BCLAF1: variants seen among roughly 807,000 people sequenced by gnomAD.
BCLAF1 encodes BCL2 associated transcription factor 1.
A neutral mutation model predicts 99.5 loss-of-function variants in BCLAF1; 10 were observed. The observed-to-expected ratio is 0.10, with a 90% CI of 0.06 to 0.17. The LOEUF is 0.17. Ranked by LOEUF, BCLAF1 falls within the 10% of genes least tolerant of loss-of-function variation. The probability of loss-of-function intolerance (pLI) is 1.00; values close to 1 mark genes in which losing one functional copy is unlikely to be tolerated. For synonymous variants in BCLAF1, 255 were observed against 370.9 expected, an observed-to-expected ratio of 0.69 and a Z score of 3.59; for missense variants, 636 against 1,105.8, an observed-to-expected ratio of 0.58 and a Z score of 6.02.
At chr6:136,279,728 T>A in intron 3 of BCLAF1, 35 bp downstream of exon 3, 2 of 1,497,562 alleles carry the variant, frequency 1.3e-6, no homozygotes, top group South Asian at 1.4e-5. Context: ...TTAACTGATA[T>A]AATTATTTTA....
At chr6:136,285,609 T>C (rs576464477) in intron 1 of BCLAF1, among the ~76,000 whole-genome samples, 1 of 152,176 alleles carries the variant, frequency 6.6e-6, no homozygotes, top group Non-Finnish European at 1.5e-5. Context: ...AGATTCCCAC[T>C]TGTATACAGA....
intron 1 of BCLAF1, among the ~76,000 whole-genome samples, chr6:136,289,160 G>A (rs1374930583): frequency 2.0e-5 from 3 of 152,212 alleles, no homozygotes; most frequent in African/African-American, 4.8e-5. Flanking sequence ...GAAGCCGGAG[G>A]GCAGTTTTAA....
intron 11 of BCLAF1, among the ~76,000 whole-genome samples, chr6:136,264,777 G>A (rs1383268994): frequency 2.0e-5 from 3 of 152,142 alleles, no homozygotes; most frequent in African/African-American, 4.8e-5. Context: ...AGGAAAAAGT[G>A]TGTAATTTTG....
chr6:136,280,526 TTTCTGTTAAGAAGATTTAAAAAGA>T (rs1340718452), intron 2 of BCLAF1, among the ~76,000 whole-genome samples: 4 of 152,160 alleles, frequency 2.6e-5, no homozygotes, highest in African/African-American at 9.7e-5. Flanking sequence ...ACCCTGAAGC[TTTCTGTTAAGAAGATTTAAAAAGA>T]ATAAAAGATA....
chr6:136,280,954 G>T (rs1424706626), intron 2 of BCLAF1, among the ~76,000 whole-genome samples: 1 of 152,032 alleles, frequency 6.6e-6, no homozygotes, highest in Non-Finnish European at 1.5e-5. Flanking sequence ...TACTTAAATA[G>T]TATCTCCTAC....
In BCLAF1 at chr6:136,259,498, T is replaced by G. The variant is rs907127117; in HGVS notation, c.*1612A>C. ...AGGAGAATATTAGTTATGCCCTGAT[T>G]AATGCAATACATACTTCCTTTGGCA... On this transcript the variant is annotated 3_prime_UTR_variant, in exon 13 of 13. Coordinates refer to ENST00000531224, the MANE Select transcript of BCLAF1 (RefSeq NM_014739.3). 6.6e-6 allele frequency: 1 copy of G among 152,088 alleles called. No homozygotes were observed. The highest frequency in any genetic ancestry group is 2.4e-5 in the African/African-American group (1 of 41,466). The allele number at this position is 152,088 out of a possible 1,614,324, so 9.4% of individuals were successfully genotyped here. A position where few individuals can be genotyped will look rare whatever the true frequency, so the allele number is the denominator to read the frequency against.
chr6:136,274,347 C>G (rs1213621588), intron 6 of BCLAF1, among the ~76,000 whole-genome samples: 1 of 148,398 alleles, frequency 6.7e-6, no homozygotes, highest in Admixed American at 6.7e-5. Flanking sequence ...TTATCAAAAC[C>G]TGATCTCAAA....
At chr6:136,274,860 A>T (rs79443992) in intron 6 of BCLAF1, among the ~76,000 whole-genome samples, 2 of 151,952 alleles carry the variant, frequency 1.3e-5, no homozygotes, top group African/African-American at 4.8e-5. Flanking sequence ...AAAAAAAAAA[A>T]TCATTACTTT....
chr6:136,257,057 C>A lies in BCLAF1; in HGVS notation c.*4053G>T, dbSNP rs1456223061. 3 of 152,070 alleles carry A rather than the reference C, an allele frequency of 2.0e-5. No individual in the cohort carries two copies. The East Asian group carries it at 5.8e-4, about 29-fold the overall frequency. The allele number at this position is 152,070 out of a possible 1,614,324, so 9.4% of individuals were successfully genotyped here. On this transcript the variant is annotated 3_prime_UTR_variant, in exon 13 of 13. Transcript: ENST00000531224. ...ATTATTAATGAAATCTGGAAGCTGG[C>A]CAACCCCAAAAGATTAAGAAAAATT...
rs1252172681 is a variant in BCLAF1, at chr6:136,276,301, A to G, written c.1224T>C (p.Tyr408=). Reference sequence around the variant, plus strand: ...CGAGGACTGACTTCCTGAACTGTCTATAATCCTCTGTCTCCTCTGTGTCAT... The same window carrying G: ...CGAGGACTGACTTCCTGAACTGTCTGTAATCCTCTGTCTCCTCTGTGTCAT... ...EGDDTEETED[Y]RQFRKSVLAD... Residue 408 remains tyrosine, a synonymous_variant, in exon 5 of 13, where the codon TAT becomes TAC. Transcript: ENST00000531224. 12 of 1,577,732 alleles carry G rather than the reference A, an allele frequency of 7.6e-6. No individual in the cohort carries two copies. Among genetic ancestry groups the G allele is most frequent in the South Asian group, 1.2e-5 (1 of 85,624 alleles).
chr6:136,265,886 T>C (rs943822174), intron 11 of BCLAF1, among the ~76,000 whole-genome samples: 2 of 152,180 alleles, frequency 1.3e-5, no homozygotes, highest in Non-Finnish European at 2.9e-5. Flanking sequence ...CCTTAGTACC[T>C]AGCATAAACA....
At chr6:136,274,596 C>T (rs1782998373) in intron 6 of BCLAF1, among the ~76,000 whole-genome samples, 2 of 151,898 alleles carry the variant, frequency 1.3e-5, no homozygotes, top group Admixed American at 1.3e-4. Flanking sequence ...CTGCTAGAGG[C>T]AAGTTTCATC....
At chr6:136,284,126 G>GTATA (rs1212310238) in intron 1 of BCLAF1, among the ~76,000 whole-genome samples, 1 of 76,122 alleles carries the variant, frequency 1.3e-5, no homozygotes, top group African/African-American at 8.3e-5. Flanking sequence ...ATGTGTGTGT[G>GTATA]TGTGTATATA....
At chr6:136,267,489 A>T (rs1009308881) in intron 10 of BCLAF1, among the ~76,000 whole-genome samples, 1 of 151,984 alleles carries the variant, frequency 6.6e-6, no homozygotes, top group Non-Finnish European at 1.5e-5. Flanking sequence ...TCTTTGAATT[A>T]TCATAGAAGC....
chr6:136,272,195 G>C (rs1782638219), intron 7 of BCLAF1, 116 bp from the exon 8 acceptor site: 1 of 667,478 alleles, frequency 1.5e-6, no homozygotes. Flanking sequence ...AACTAATTTA[G>C]CACACCAAGA....
In BCLAF1 at chr6:136,277,258, G is replaced by A. The variant is rs1783562393; in HGVS notation, c.1016+607C>T. On this transcript the variant is annotated intron_variant, in intron 4 of 12. Coordinates refer to ENST00000531224, the MANE Select transcript of BCLAF1 (RefSeq NM_014739.3). ...ATACCATTACCTTTTGTATAGTCAG[G>A]CTGAAATCATTAAATATTGACAGCC... Among the ~76,000 whole-genome samples, 4 of 152,248 alleles carry A rather than the reference G, an allele frequency of 2.6e-5. No individual in the cohort carries two copies. In the South Asian group the frequency reaches 8.3e-4, roughly 32 times the overall value.
At chr6:136,267,653 TG>T (rs3839504) in intron 10 of BCLAF1, among the ~76,000 whole-genome samples, 4,743 of 151,982 alleles carry the variant, frequency 0.031, 178 homozygotes, top group African/African-American at 0.09. Context: ...TGCACTACCA[TG>T]GAAGTCATTA....
intron 10 of BCLAF1, 44 bp from the exon 11 acceptor site, chr6:136,267,219 T>C: frequency 6.3e-7 from 1 of 1,578,384 alleles, no homozygotes; most frequent in Non-Finnish European, 8.6e-7. Flanking sequence ...AATCAAAAGG[T>C]ATTTAGTTAC....
At position 136,258,369 on chromosome 6, in the gene BCLAF1, G is replaced by A. The variant is rs1013693244; in HGVS notation, c.*2741C>T. On this transcript the variant is annotated 3_prime_UTR_variant, in exon 13 of 13. Coordinates refer to ENST00000531224, the MANE Select transcript of BCLAF1 (RefSeq NM_014739.3). ...AACTGTAAAATTTCCCATTTTCCCAGGGGAGACAAGGGAAAAACAAAAACA... is the reference window on the plus strand; with the variant it reads ...AACTGTAAAATTTCCCATTTTCCCAAGGGAGACAAGGGAAAAACAAAAACA... The A allele has an allele frequency of 2.7e-5, 4 of 147,604 alleles. No homozygotes were observed. The highest frequency in any genetic ancestry group is 1.0e-4 in the African/African-American group (4 of 39,584). 9.1% of individuals were successfully genotyped at this position (147,604 alleles called of 1,614,324 possible). A position where few individuals can be genotyped will look rare whatever the true frequency, so the allele number is the denominator to read the frequency against.
Sources: gnomAD v4.1 joint callset for allele counts (sites outside exome capture counted in the v4.1 genomes callset) on GRCh38, gnomAD v4.1.1 for gene constraint, MANE v1.5 for transcripts, NCBI Gene and HGNC (gene_info 2026-07-23, HGNC 2026-07-21) for gene names.